Variants in KIRREL3 observed in about 807,000 individuals in gnomAD.
The protein encoded by KIRREL3 is kirre like nephrin family adhesion molecule 3, also known as kin of IRRE-like protein 3.
In KIRREL3, 36 loss-of-function variants were observed where a neutral mutation model predicts 89.7. The ratio of observed to expected loss-of-function variants is 0.40; its 90% CI spans 0.31 to 0.53. The LOEUF (loss-of-function observed/expected upper bound fraction) is 0.53, where lower values mean the gene tolerates loss of function less well. Among genes scored for constraint, KIRREL3 ranks in the 20% least tolerant of loss-of-function variants. The pLI, the probability that KIRREL3 is intolerant of heterozygous loss-of-function variation, is 0.49. For synonymous variants in KIRREL3, 445 were observed against 441.4 expected (o/e 1.01, Z -0.10); for missense variants, 864 against 1,056.6 (o/e 0.82, Z 2.53).
At chr11:126,784,414 G>T (rs1330715048) in intron 1 of KIRREL3, among the ~76,000 whole-genome samples, 2 of 152,030 alleles carry the variant, frequency 1.3e-5, no homozygotes, top group Admixed American at 1.3e-4. Flanking sequence ...AAAGGGCACT[G>T]CTAGAATAAT....
rs149794180 is a variant in KIRREL3, at chr11:126,807,764, A to C, written c.55+192691T>G. Among the ~76,000 whole-genome samples, 131 of 152,296 alleles carry C rather than the reference A, an allele frequency of 8.6e-4. No individual in the cohort carries two copies. Among genetic ancestry groups the C allele is most frequent in the African/African-American group, 3.0e-3 (123 of 41,562 alleles). On this transcript the variant is annotated intron_variant, in intron 1 of 16. Transcript: ENST00000525144. The surrounding 1 kb of genome is among the most constrained non-coding windows in gnomAD (Gnocchi z 4.3). Reference sequence around the variant, plus strand: ...TACATGTCTACTCTGATGTGGTTGGAGAGTCCTTTAATGGGTGCTGCTGAT... The same window carrying C: ...TACATGTCTACTCTGATGTGGTTGGCGAGTCCTTTAATGGGTGCTGCTGAT...
chr11:126,735,317 G>T (rs1157282419), intron 1 of KIRREL3, among the ~76,000 whole-genome samples: 1 of 152,162 alleles, frequency 6.6e-6, no homozygotes, highest in African/African-American at 2.4e-5. Flanking sequence ...TAATAGCAAA[G>T]ACAAGGAGAA....
Position 126,635,809 on chromosome 11 carries a change from G to C in KIRREL3, c.56-72897C>G, listed in dbSNP as rs1328132903. Reference sequence around the variant, plus strand: ...GAGGCGATTGGTATAAAAATACCAGGTAAAAGGCAGAGTGTGTCCCATGAA... The same window carrying C: ...GAGGCGATTGGTATAAAAATACCAGCTAAAAGGCAGAGTGTGTCCCATGAA... On this transcript the variant is annotated intron_variant, in intron 1 of 16. Transcript: ENST00000525144. This position sits in a 1 kb window ranked among gnomAD's most constrained non-coding sequence, Gnocchi z 4.0. Among the ~76,000 whole-genome samples, 1 of 152,206 alleles carries C rather than the reference G, an allele frequency of 6.6e-6. No individual in the cohort carries two copies. Among genetic ancestry groups the C allele is most frequent in the African/African-American group, 2.4e-5 (1 of 41,448 alleles).
At chr11:126,863,512 T>TGA (rs1944800556) in intron 1 of KIRREL3, among the ~76,000 whole-genome samples, 1 of 150,250 alleles carries the variant, frequency 6.7e-6, no homozygotes, top group Non-Finnish European at 1.5e-5. Context: ...TGAGTGCGTG[T>TGA]GTGTTTGAGT....
chr11:126,592,679 G>A (rs1942197702), intron 1 of KIRREL3, among the ~76,000 whole-genome samples: 1 of 152,226 alleles, frequency 6.6e-6, no homozygotes. Context: ...CAGAGGGAAG[G>A]GAGGAGGGAG....
chr11:126,517,727 T>G (rs1424715217), intron 4 of KIRREL3, among the ~76,000 whole-genome samples: 1 of 152,224 alleles, frequency 6.6e-6, no homozygotes, highest in Non-Finnish European at 1.5e-5. Flanking sequence ...GTTGGACTCC[T>G]TACAGTGGAA....
In KIRREL3 at chr11:126,736,026, T is replaced by C. The variant is rs1462466342; in HGVS notation, c.56-173114A>G. On this transcript the variant is annotated intron_variant, in intron 1 of 16. Transcript: ENST00000525144. The surrounding 1 kb of genome is among the most constrained non-coding windows in gnomAD (Gnocchi z 5.0). ...AATCCTCAATTAGTCCTGACTTTGC[T>C]TGAGAGTTTTTATGAAACTGCCTAG... 1.3e-5 allele frequency among the ~76,000 whole-genome samples: 2 copies of C among 152,208 alleles called. No individual in the cohort carries two copies. Among genetic ancestry groups the C allele is most frequent in the East Asian group, 1.9e-4 (1 of 5,192 alleles).
intron 4 of KIRREL3, among the ~76,000 whole-genome samples, chr11:126,507,116 A>T (rs773571735): frequency 9.9e-5 from 15 of 152,236 alleles, no homozygotes; most frequent in Non-Finnish European, 1.9e-4. Flanking sequence ...GGCTAGACAC[A>T]CAAGGCCACA....
chr11:126,599,930 C>T (rs1476450699), intron 1 of KIRREL3, among the ~76,000 whole-genome samples: 1 of 152,198 alleles, frequency 6.6e-6, no homozygotes, highest in Non-Finnish European at 1.5e-5. Context: ...GTTTTCAGAC[C>T]CCTGTGTGCT....
At chr11:126,949,413 T>C (rs1948713650) in intron 1 of KIRREL3, among the ~76,000 whole-genome samples, 1 of 152,232 alleles carries the variant, frequency 6.6e-6, no homozygotes, top group Non-Finnish European at 1.5e-5. Context: ...TCGCATCCTT[T>C]CCAGTTCTGA....
Position 126,650,095 on chromosome 11 carries a change from T to C in KIRREL3, c.56-87183A>G, listed in dbSNP as rs370371270. ...GCTCTACATTGGCCCCTTTCAGCCA[T>C]GGCTGTAGCGGCTGGGATGCAGGGC... On this transcript the variant is annotated intron_variant, in intron 1 of 16. Coordinates refer to ENST00000525144, the MANE Select transcript of KIRREL3 (RefSeq NM_032531.4). Among the ~76,000 whole-genome samples the C allele has an allele frequency of 1.3e-4, 20 of 152,342 alleles. No individual in the cohort carries two copies. In the East Asian group the frequency reaches 2.9e-3, roughly 22 times the overall value.
intron 1 of KIRREL3, among the ~76,000 whole-genome samples, chr11:126,790,804 G>T (rs1950616239): frequency 6.6e-6 from 1 of 151,996 alleles, no homozygotes; most frequent in Non-Finnish European, 1.5e-5. Flanking sequence ...TGCTTGGGTG[G>T]GGGCGCTCTT....
In KIRREL3 at chr11:126,429,996, G is replaced by A. The variant is rs564073505; in HGVS notation, c.1697-708C>T. 5.3e-4 allele frequency among the ~76,000 whole-genome samples: 81 copies of A among 152,126 alleles called. 1 individual carries two copies. The highest frequency in any genetic ancestry group is 2.9e-3 in the Admixed American group (45 of 15,278). The stretch of plus-strand genomic sequence containing the variant: ...TTAAAAATCCAAAAATTAGCTGGGC[G>A]TGGTGGTGGGTGCCTGTAATGCCAG... On this transcript the variant is annotated intron_variant, in intron 14 of 16. Transcript: ENST00000525144. The surrounding 1 kb of genome is among the most constrained non-coding windows in gnomAD (Gnocchi z 5.2).
chr11:126,585,220 C>CTTTTTTT (rs3042225), intron 1 of KIRREL3, among the ~76,000 whole-genome samples: 1 of 81,888 alleles, frequency 1.2e-5, no homozygotes, highest in African/African-American at 5.8e-5. Flanking sequence ...CGCCCGGCCT[C>CTTTTTTT]TTTTTTTTTT....
At chr11:126,759,019 G>A (rs565091721) in intron 1 of KIRREL3, among the ~76,000 whole-genome samples, 5 of 152,234 alleles carry the variant, frequency 3.3e-5, no homozygotes, top group East Asian at 1.9e-4. Context: ...GTAAGCCAAC[G>A]GTCTCCAGAG....
intron 1 of KIRREL3, among the ~76,000 whole-genome samples, chr11:126,618,363 A>C (rs1367449068): frequency 3.3e-5 from 5 of 152,170 alleles, no homozygotes; most frequent in Non-Finnish European, 7.4e-5. Flanking sequence ...TGTTTCTTGT[A>C]CGGCCTATGG....
intron 1 of KIRREL3, among the ~76,000 whole-genome samples, chr11:126,801,761 T>C (rs1372717421): frequency 6.6e-6 from 1 of 152,118 alleles, no homozygotes; most frequent in Non-Finnish European, 1.5e-5. Context: ...AATAAATTCT[T>C]AGTTAATATT....
rs1438812657 is a variant in KIRREL3, at chr11:126,491,499, C to A, written c.434-18033G>T. Among the ~76,000 whole-genome samples the A allele has an allele frequency of 6.6e-6, 1 of 152,092 alleles. No homozygotes were observed. The highest frequency in any genetic ancestry group is 2.4e-5 in the African/African-American group (1 of 41,414). On this transcript the variant is annotated intron_variant, in intron 4 of 16. Coordinates refer to ENST00000525144, the MANE Select transcript of KIRREL3 (RefSeq NM_032531.4). This position sits in a 1 kb window ranked among gnomAD's most constrained non-coding sequence, Gnocchi z 5.5. ...CCCATCTGGGCCAGACTGTTGGACT[C>A]CAGTGTTGTCTGTCCCCCGAGTCGA... is the stretch of plus-strand genomic sequence containing the variant.
chr11:126,812,823 A>G lies in KIRREL3; in HGVS notation c.55+187632T>C, dbSNP rs10893577. On this transcript the variant is annotated intron_variant, in intron 1 of 16. Coordinates refer to ENST00000525144, the MANE Select transcript of KIRREL3 (RefSeq NM_032531.4). The surrounding 1 kb of genome is among the most constrained non-coding windows in gnomAD (Gnocchi z 5.2). ...TTTCTGGGTCTGGCTCTGTTTCTCT[A>G]TTTCCCAGTTACTTGCCCAAGAACA... Among the ~76,000 whole-genome samples, 23 of 151,972 alleles carry G rather than the reference A, an allele frequency of 1.5e-4. No individual in the cohort carries two copies. In the East Asian group the frequency reaches 3.9e-3, roughly 26 times the overall value.
Sources: allele counts gnomAD v4.1 joint callset (sites outside exome capture counted in the v4.1 genomes callset), GRCh38; gene constraint gnomAD v4.1.1; non-coding constraint Gnocchi (gnomAD v3.1); transcripts MANE v1.5; gene names NCBI Gene and HGNC (gene_info 2026-07-23, HGNC 2026-07-21).